XKR6: variants seen among roughly 807,000 people sequenced by gnomAD.
XKR6 encodes XK-related protein 6.
XKR6 carries 22 observed loss-of-function variants against 56.7 expected under a neutral mutation model. The observed-to-expected ratio is 0.39, with a 90% CI of 0.28 to 0.55. XKR6 has a LOEUF of 0.55. XKR6 is among the 20% of genes least tolerant of loss of function. The pLI is 0.66. For missense variants in XKR6, 852 were observed against 889.0 expected, an observed-to-expected ratio of 0.96 and a Z score of 0.53; for synonymous variants, 524 against 387.8, an observed-to-expected ratio of 1.35 and a Z score of -4.13.
chr8:11,125,186 A>C (rs1799711628), intron 1 of XKR6, among the ~76,000 whole-genome samples: 2 of 152,076 alleles, frequency 1.3e-5, no homozygotes, highest in African/African-American at 4.8e-5. Context: ...TGCACAGGTC[A>C]CATGCCCATG....
chr8:10,932,330 A>G (rs1314635961), intron 1 of XKR6, among the ~76,000 whole-genome samples: 1 of 152,208 alleles, frequency 6.6e-6, no homozygotes, highest in Non-Finnish European at 1.5e-5. Flanking sequence ...CTCTCCACAT[A>G]TGACCCATAG....
chr8:10,972,998 G>A (rs973051376), intron 1 of XKR6, among the ~76,000 whole-genome samples: 1 of 152,166 alleles, frequency 6.6e-6, no homozygotes, highest in African/African-American at 2.4e-5. Context: ...TGGTGTTTGG[G>A]ACATTTAGTT....
intron 1 of XKR6, among the ~76,000 whole-genome samples, chr8:11,016,459 C>G (rs796710527): frequency 6.6e-6 from 1 of 152,180 alleles, no homozygotes; most frequent in Non-Finnish European, 1.5e-5. Context: ...TCTCTCGAGG[C>G]GCAGACAACA....
intron 1 of XKR6, among the ~76,000 whole-genome samples, chr8:10,940,734 C>A (rs1801363226): frequency 6.6e-6 from 1 of 152,202 alleles, no homozygotes; most frequent in Non-Finnish European, 1.5e-5. Context: ...AGGACACAAA[C>A]AACCTGTACG....
At chr8:11,157,611 A>AC (rs1801585351) in intron 1 of XKR6, among the ~76,000 whole-genome samples, 1 of 152,044 alleles carries the variant, frequency 6.6e-6, no homozygotes, top group Non-Finnish European at 1.5e-5. Flanking sequence ...GAATTCCTGG[A>AC]CCCAAGGGAT....
chr8:10,943,802 C>G (rs1586334954), intron 1 of XKR6, among the ~76,000 whole-genome samples: 1 of 152,130 alleles, frequency 6.6e-6, no homozygotes, highest in Admixed American at 6.5e-5. Context: ...CTCTCCTGCT[C>G]TCTTTCTCAT....
chr8:10,902,859 T>C (rs1023056484), intron 2 of XKR6, among the ~76,000 whole-genome samples: 1 of 152,182 alleles, frequency 6.6e-6, no homozygotes, highest in African/African-American at 2.4e-5. Context: ...GGGACTTGCC[T>C]GGGGGAGGTC....
intron 1 of XKR6, among the ~76,000 whole-genome samples, chr8:11,010,051 G>A (rs531980611): frequency 6.6e-6 from 1 of 152,218 alleles, no homozygotes; most frequent in Non-Finnish European, 1.5e-5. Context: ...TTGGCTCTTG[G>A]TTCTGCAGAC....
chr8:11,063,561 A>G (rs1259134427), intron 1 of XKR6, among the ~76,000 whole-genome samples: 1 of 151,342 alleles, frequency 6.6e-6, no homozygotes, highest in Non-Finnish European at 1.5e-5. Flanking sequence ...AGATTATGTT[A>G]TGGCATTGAT....
intron 1 of XKR6, chr8:11,195,142 G>A (rs1336176101): frequency 5.7e-6 from 4 of 703,112 alleles, no homozygotes; most frequent in Non-Finnish European, 1.0e-5. Flanking sequence ...GGAGGGAGAA[G>A]GGAAGAAACC....
At chr8:11,195,225 C>T (rs949710811) in intron 1 of XKR6, 1 of 700,280 alleles carries the variant, frequency 1.4e-6, no homozygotes, top group African/African-American at 1.8e-5. Flanking sequence ...TTGCCCACTG[C>T]AACATTATAA....
chr8:11,151,851 A>G (rs1262309929), intron 1 of XKR6, among the ~76,000 whole-genome samples: 1 of 152,154 alleles, frequency 6.6e-6, no homozygotes, highest in Non-Finnish European at 1.5e-5. Context: ...AACAATTAAT[A>G]AACCTGTACT....
At chr8:10,956,946 C>T (rs1801908595) in intron 1 of XKR6, among the ~76,000 whole-genome samples, 1 of 152,170 alleles carries the variant, frequency 6.6e-6, no homozygotes, top group Non-Finnish European at 1.5e-5. Flanking sequence ...TTGTCCATAA[C>T]TCAGTATTTT....
intron 1 of XKR6, chr8:11,105,921 G>A (rs1384013458): frequency 1.3e-5 from 2 of 152,200 alleles, no homozygotes; most frequent in Non-Finnish European, 2.9e-5. Flanking sequence ...ATAGTATCAT[G>A]CTTTAAACTG....
intron 2 of XKR6, among the ~76,000 whole-genome samples, chr8:10,915,883 G>C (rs531356094): frequency 6.6e-6 from 1 of 152,366 alleles, no homozygotes; most frequent in African/African-American, 2.4e-5. Flanking sequence ...TCTCAGCTGT[G>C]GATGAAGATG....
chr8:11,051,203 T>C (rs941444982), intron 1 of XKR6, among the ~76,000 whole-genome samples: 1 of 151,950 alleles, frequency 6.6e-6, no homozygotes, highest in African/African-American at 2.4e-5. Flanking sequence ...TTCCAGACAC[T>C]TCTTCTTCCT....
chr8:11,025,088 G>A (rs1382371208), intron 1 of XKR6, among the ~76,000 whole-genome samples: 1 of 152,182 alleles, frequency 6.6e-6, no homozygotes, highest in African/African-American at 2.4e-5. Context: ...CGAGGCCTTG[G>A]AGCCGACTGG....
chr8:11,200,444 G>A lies in XKR6; in HGVS notation c.764+132C>T, dbSNP rs1804146357. ...AACGCCGGTCTTTTGGAGACGCCAGGGGCGGCGCGCGGCCGGTCCCTCCTT... is the reference window on the plus strand; with the variant it reads ...AACGCCGGTCTTTTGGAGACGCCAGAGGCGGCGCGCGGCCGGTCCCTCCTT... On this transcript the variant is annotated intron_variant, in intron 1 of 2. Coordinates refer to ENST00000416569, the MANE Select transcript of XKR6 (RefSeq NM_173683.4). This position sits in a 1 kb window ranked among gnomAD's most constrained non-coding sequence, Gnocchi z 6.4. 1.7e-6 allele frequency: 2 copies of A among 1,200,776 alleles called. No individual in the cohort carries two copies. The highest frequency in any genetic ancestry group is 3.0e-4 in the Middle Eastern group (1 of 3,360). 74.4% of individuals were successfully genotyped at this position (1,200,776 alleles called of 1,614,324 possible). A position where few individuals can be genotyped will look rare whatever the true frequency, so the allele number is the denominator to read the frequency against.
At chr8:10,954,866 C>CTCTCTTTTTTTTTT (rs1563309729) in intron 1 of XKR6, among the ~76,000 whole-genome samples, 2 of 92,792 alleles carry the variant, frequency 2.2e-5, no homozygotes, top group Non-Finnish European at 4.4e-5. Flanking sequence ...ACTTCATTCT[C>CTCTCTTTTTTTTTT]TTTTTTTTTT....
Sources: gnomAD v4.1 joint callset for allele counts (sites outside exome capture counted in the v4.1 genomes callset) on GRCh38, gnomAD v4.1.1 for gene constraint, Gnocchi (gnomAD v3.1) non-coding constraint, MANE v1.5 for transcripts, NCBI Gene and HGNC (gene_info 2026-07-23, HGNC 2026-07-21) for gene names.